The following CTDP1 variants were observed in gnomAD, a reference collection of about 807,000 sequenced individuals.
The protein encoded by CTDP1 is CTD phosphatase 1.
Under a neutral mutation model 91.8 loss-of-function variants are expected in CTDP1, and 47 were observed. The ratio of observed to expected loss-of-function variants is 0.51; its 90% CI spans 0.41 to 0.65. The LOEUF is 0.65. Ranked by LOEUF, CTDP1 falls within the 30% of genes least tolerant of loss-of-function variation. The probability of loss-of-function intolerance (pLI) is 0.00; values close to 1 mark genes in which losing one functional copy is unlikely to be tolerated. For synonymous variants in CTDP1, 656 were observed against 598.5 expected (o/e 1.10, Z -1.40); for missense variants, 1,272 against 1,373.7 (o/e 0.93, Z 1.17).
chr18:79,679,280 G>C (rs1358395899), upstream of CTDP1: 3 of 392,100 alleles, frequency 7.7e-6, no homozygotes, highest in African/African-American at 6.2e-5. Flanking sequence ...CCGCGGCGTG[G>C]GGTCCGGGGG....
chr18:79,682,804 C>T (rs1363634510), intron 1 of CTDP1, among the ~76,000 whole-genome samples: 1 of 152,140 alleles, frequency 6.6e-6, no homozygotes, highest in African/African-American at 2.4e-5. Flanking sequence ...ATATGGAAGT[C>T]TTTCCATAAT....
chr18:79,681,729 T>C (rs1361400238), intron 1 of CTDP1, among the ~76,000 whole-genome samples: 2 of 152,054 alleles, frequency 1.3e-5, no homozygotes, highest in East Asian at 3.9e-4. Context: ...TGATATCATT[T>C]CTCCTCAGAT....
In CTDP1 at chr18:79,715,284, T is replaced by C. The variant is rs767674446; in HGVS notation, c.1824T>C (p.Tyr608=). ...VRVHTDYYAK[Y]DRYLNKEIEE... is the part of the protein sequence containing the mutation. Reference sequence around the variant, plus strand: ...TACACACTGACTACTATGCCAAGTATGACCGCTACCTCAACAAGGAGATCG... The same window carrying C: ...TACACACTGACTACTATGCCAAGTACGACCGCTACCTCAACAAGGAGATCG... Residue 608 remains tyrosine (Y), a synonymous_variant, in exon 8 of 13, where the codon TAT becomes TAC. Coordinates refer to ENST00000613122, the MANE Select transcript of CTDP1 (RefSeq NM_004715.5). 12 of 1,610,444 alleles carry C rather than the reference T, an allele frequency of 7.5e-6. No individual in the cohort carries two copies. In the Admixed American group the frequency reaches 2.0e-4, roughly 27 times the overall value.
intron 1 of CTDP1, among the ~76,000 whole-genome samples, chr18:79,689,569 T>G (rs1275790145): frequency 6.6e-6 from 1 of 152,178 alleles, no homozygotes; most frequent in Non-Finnish European, 1.5e-5. Flanking sequence ...ACAGATCACC[T>G]GAGGTCAGGA....
At chr18:79,736,615 C>T (rs1396689209) in intron 12 of CTDP1, 94 bp downstream of exon 12, 20 of 1,247,318 alleles carry the variant, frequency 1.6e-5, no homozygotes, top group East Asian at 5.1e-5. Flanking sequence ...TCATTCTTCA[C>T]GCCCTCCACC....
chr18:79,698,664 C>G (rs1356411057), intron 4 of CTDP1, among the ~76,000 whole-genome samples: 1 of 152,144 alleles, frequency 6.6e-6, no homozygotes, highest in Non-Finnish European at 1.5e-5. Flanking sequence ...CAGGGAGGCC[C>G]TCACCAACAC....
At chr18:79,693,398 A>G (rs187798682) in intron 1 of CTDP1, among the ~76,000 whole-genome samples, 1 of 152,256 alleles carries the variant, frequency 6.6e-6, no homozygotes, top group East Asian at 1.9e-4. Flanking sequence ...AGAAAGTTTA[A>G]CACACTTTTT....
Position 79,696,089 on chromosome 18 carries a change from G to A in CTDP1, c.492+19G>A, listed in dbSNP as rs1181135595. ...CTCCGAGGTGAGCCGGGCATCAGTGGCGGCGTGTTGGGGAAGCGTGGTGCT... is the reference window on the plus strand; with the variant it reads ...CTCCGAGGTGAGCCGGGCATCAGTGACGGCGTGTTGGGGAAGCGTGGTGCT... On this transcript the variant is annotated intron_variant, in intron 3 of 12. Coordinates refer to ENST00000613122, the MANE Select transcript of CTDP1 (RefSeq NM_004715.5). The A allele has an allele frequency of 6.2e-7, 1 of 1,606,296 alleles. No homozygotes were observed. Among genetic ancestry groups the A allele is most frequent in the South Asian group, 1.1e-5 (1 of 90,912 alleles).
At chr18:79,736,131 G>C (rs1354210974) in intron 11 of CTDP1, 2 of 607,348 alleles carry the variant, frequency 3.3e-6, no homozygotes. Flanking sequence ...ATCTTTGCCT[G>C]CGAACCGACT....
In CTDP1 at chr18:79,754,151, A is replaced by ACGAGACATGGACTAGGAGTTTAAG. The variant is rs2087058642; in HGVS notation, c.*363_*386dup. On this transcript the variant is annotated 3_prime_UTR_variant, in exon 13 of 13. Coordinates refer to ENST00000613122, the MANE Select transcript of CTDP1 (RefSeq NM_004715.5). ...CTTAGGGGACGGCTTTGGGGGTCCC[A>ACGAGACATGGACTAGGAGTTTAAG]CGAGACATGGACTAGGAGTTTAAGC... 2 of 358,724 alleles carry ACGAGACATGGACTAGGAGTTTAAG rather than the reference A, an allele frequency of 5.6e-6. No homozygotes were observed. The highest frequency in any genetic ancestry group is 1.1e-5 in the Non-Finnish European group (2 of 185,020). 22.2% of individuals were successfully genotyped at this position (358,724 alleles called of 1,614,324 possible). A position where few individuals can be genotyped will look rare whatever the true frequency, so the allele number is the denominator to read the frequency against.
At chr18:79,712,821 G>A (rs942032620) in intron 6 of CTDP1, 151 bp from the exon 7 acceptor site, 1 of 751,704 alleles carries the variant, frequency 1.3e-6, no homozygotes, top group East Asian at 2.7e-5. Context: ...GACCCAAACA[G>A]AAAGGGCTTC....
At chr18:79,695,395 A>G (rs991625335) in intron 2 of CTDP1, 87 bp downstream of exon 2, 1 of 1,235,074 alleles carries the variant, frequency 8.1e-7, no homozygotes, top group Non-Finnish European at 1.2e-6. Flanking sequence ...CTGGGAACAC[A>G]GTGAGGCCCT....
intron 12 of CTDP1, among the ~76,000 whole-genome samples, chr18:79,739,154 A>C (rs1034362788): frequency 3.9e-5 from 6 of 152,204 alleles, no homozygotes; most frequent in Non-Finnish European, 8.8e-5. Flanking sequence ...GCGGATTTGC[A>C]GCGTGCTCTT....
intron 5 of CTDP1, among the ~76,000 whole-genome samples, chr18:79,709,415 A>G (rs112807410): frequency 0.058 from 8,903 of 152,338 alleles, 344 homozygotes; most frequent in South Asian, 0.16. Flanking sequence ...AGGTGATCCC[A>G]AGAAACCTCT....
chr18:79,703,343 A>G (rs1046763752), intron 4 of CTDP1, among the ~76,000 whole-genome samples: 1 of 152,198 alleles, frequency 6.6e-6, no homozygotes, highest in Non-Finnish European at 1.5e-5. Context: ...TTTTAAAGCC[A>G]TTAAGAGTAA....
At chr18:79,716,547 C>A (rs1295886218) in intron 8 of CTDP1, among the ~76,000 whole-genome samples, 2 of 152,190 alleles carry the variant, frequency 1.3e-5, no homozygotes, top group Non-Finnish European at 2.9e-5. Context: ...TCAGACCCTT[C>A]TCTCCTGAGC....
Position 79,679,944 on chromosome 18 carries a change from C to T in CTDP1, c.-4C>T. ...ACCGACCGCCCGCCCGCCCTCTGTC[C>T]GCGATGGAGGTGCCGGCCGCGGGTC... On this transcript the variant is annotated 5_prime_UTR_variant, in exon 1 of 13. Coordinates refer to ENST00000613122, the MANE Select transcript of CTDP1 (RefSeq NM_004715.5). The T allele has an allele frequency of 1.4e-6, 2 of 1,384,032 alleles. No individual in the cohort carries two copies. The highest frequency in any genetic ancestry group is 1.9e-6 in the Non-Finnish European group (2 of 1,064,364). 85.7% of individuals were successfully genotyped at this position (1,384,032 alleles called of 1,614,324 possible).
chr18:79,700,555 A>G (rs1435381536), intron 4 of CTDP1, among the ~76,000 whole-genome samples: 2 of 152,256 alleles, frequency 1.3e-5, no homozygotes, highest in Non-Finnish European at 2.9e-5. Context: ...AGGAAGCTGC[A>G]GAAGAAAAGC....
intron 11 of CTDP1, 24 bp downstream of exon 11, chr18:79,729,093 G>T: frequency 6.2e-7 from 1 of 1,611,790 alleles, no homozygotes; most frequent in Non-Finnish European, 8.5e-7. Context: ...ACGCCCCGGT[G>T]CCCGCGCCAG....
Sources: allele counts gnomAD v4.1 joint callset (sites outside exome capture counted in the v4.1 genomes callset), GRCh38; gene constraint gnomAD v4.1.1; transcripts MANE v1.5; gene names NCBI Gene and HGNC (gene_info 2026-07-23, HGNC 2026-07-21).